Variants in TLL2 observed in about 807,000 individuals in gnomAD.
The protein encoded by TLL2 is tolloid like 2, also known as tolloid-like protein 2.
A neutral mutation model predicts 123.0 loss-of-function variants in TLL2; 106 were observed. The ratio of observed to expected loss-of-function variants is 0.86; its 90% confidence interval spans 0.74 to 1.01. The LOEUF (loss-of-function observed/expected upper bound fraction) is 1.01, where lower values mean the gene tolerates loss of function less well. Ranked by LOEUF, TLL2 falls within the 50% of genes least tolerant of loss-of-function variation. TLL2 has a pLI of 0.00. For synonymous variants in TLL2, 494 were observed against 516.8 expected (o/e 0.96, Z 0.60); for missense variants, 1,332 against 1,336.7 (o/e 1.00, Z 0.06).
intron 1 of TLL2, among the ~76,000 whole-genome samples, chr10:96,489,655 T>C (rs1847392242): frequency 6.6e-6 from 1 of 152,248 alleles, no homozygotes; most frequent in Non-Finnish European, 1.5e-5. Flanking sequence ...ATTTTACATT[T>C]TATTTCCTTT....
At chr10:96,474,939 A>G (rs1240333962) in intron 2 of TLL2, among the ~76,000 whole-genome samples, 2 of 152,138 alleles carry the variant, frequency 1.3e-5, no homozygotes, top group Non-Finnish European at 1.5e-5. Context: ...CTGTCTTCAC[A>G]TGGCCTTCTC....
chr10:96,504,944 C>T (rs1192562410), intron 1 of TLL2, among the ~76,000 whole-genome samples: 2 of 152,100 alleles, frequency 1.3e-5, no homozygotes, highest in African/African-American at 2.4e-5. Flanking sequence ...GGAGGCAGAG[C>T]GTTCAGTGAG....
intron 2 of TLL2, among the ~76,000 whole-genome samples, chr10:96,451,481 T>C (rs942941685): frequency 6.6e-6 from 1 of 152,228 alleles, no homozygotes; most frequent in Non-Finnish European, 1.5e-5. Context: ...ATTGCCCATC[T>C]GAACAACAGT....
At chr10:96,381,412 C>T (rs142056693) in intron 16 of TLL2, among the ~76,000 whole-genome samples, 2,061 of 152,304 alleles carry the variant, frequency 0.014, 28 homozygotes, top group South Asian at 0.065. Flanking sequence ...CCTTGGCTTC[C>T]CAGCATGGGT....
chr10:96,373,176 T>A (rs1197345183), intron 19 of TLL2: 1 of 156,940 alleles, frequency 6.4e-6, no homozygotes, highest in African/African-American at 2.4e-5. Context: ...AAAGTCTCAC[T>A]CTATCGTCCA....
rs189298857 is a variant in TLL2 at position 96,460,150 on chromosome 10, G to T, written c.287-13982C>A. On this transcript the variant is annotated intron_variant, in intron 2 of 20. Coordinates refer to ENST00000357947, the MANE Select transcript of TLL2 (RefSeq NM_012465.4). ...ATGAAAACAAACCACTCATATAAGGGAAAATACCTGCATTGAAGATAATAA... is the reference window on the plus strand; with the variant it reads ...ATGAAAACAAACCACTCATATAAGGTAAAATACCTGCATTGAAGATAATAA... 2.0e-3 allele frequency among the ~76,000 whole-genome samples: 300 copies of T among 152,194 alleles called. 1 individual carries two copies. The highest frequency in any genetic ancestry group is 3.2e-3 in the Non-Finnish European group (220 of 68,018).
At chr10:96,406,760 C>A (rs1423257754) in intron 9 of TLL2, among the ~76,000 whole-genome samples, 2 of 152,102 alleles carry the variant, frequency 1.3e-5, no homozygotes, top group African/African-American at 4.8e-5. Context: ...GGTGAGAGCA[C>A]CTCCAAACAA....
At position 96,412,288 on chromosome 10, in the gene TLL2, C is replaced by T. The variant is rs137858013; in HGVS notation, c.1048+904G>A. On this transcript the variant is annotated intron_variant, in intron 8 of 20. Transcript: ENST00000357947. The stretch of plus-strand genomic sequence containing the variant: ...ATGTGACAGCCCAGATTTTCTAAGA[C>T]GGTCCTCACTTCAAATACTTCATCC... Among the ~76,000 whole-genome samples the T allele has an allele frequency of 9.2e-5, 14 of 152,256 alleles. No individual in the cohort carries two copies. The East Asian group carries it at 2.1e-3, about 23-fold the overall frequency.
chr10:96,413,355 G>C, intron 7 of TLL2, 39 bp from the exon 8 acceptor site: 1 of 1,601,390 alleles, frequency 6.2e-7, no homozygotes, highest in Non-Finnish European at 8.5e-7. Flanking sequence ...AAAAGTCAAG[G>C]CCATCAGGCT....
chr10:96,444,437 G>A (rs1846876581), intron 3 of TLL2, among the ~76,000 whole-genome samples: 1 of 152,190 alleles, frequency 6.6e-6, no homozygotes, highest in Non-Finnish European at 1.5e-5. Context: ...GAGGGGTTGT[G>A]CCCATGAGGT....
In TLL2 at chr10:96,378,376, G is replaced by C. The variant is rs1846156389; in HGVS notation, c.2320+591C>G. ...AGGAAGGCTTTTTCCAGGATGACTG[G>C]ACAGTAAAAGCCACCTGGCCCTGAA... is the stretch of plus-strand genomic sequence containing the variant. On this transcript the variant is annotated intron_variant, in intron 17 of 20. Coordinates refer to ENST00000357947, the MANE Select transcript of TLL2 (RefSeq NM_012465.4). Among the ~76,000 whole-genome samples, 8 of 150,958 alleles carry C rather than the reference G, an allele frequency of 5.3e-5. No individual in the cohort carries two copies. The South Asian group carries it at 1.7e-3, about 32-fold the overall frequency.
intron 5 of TLL2, 109 bp from the exon 6 acceptor site, chr10:96,422,836 CAG>C: frequency 2.2e-6 from 3 of 1,338,538 alleles, no homozygotes; most frequent in Non-Finnish European, 3.1e-6. Context: ...TGTAAAAGAA[CAG>C]AATTTCAGGC....
rs368119277 is a variant in TLL2, at chr10:96,373,704, C to T, written c.2554G>A (p.Gly852Ser). Residue 852 changes from glycine (G) to serine (S), a missense_variant, in exon 19 of 21, where the codon GGC (glycine) becomes AGC (serine). Coordinates refer to ENST00000357947, the MANE Select transcript of TLL2 (RefSeq NM_012465.4). ...ACCGTGGGGTCTGGTTTCTTGCTGC[C>T]GCAGAAACGGCCCAGAATGGGGGCC... ...SLAPILGRFC[G>S]SKKPDPTVAS... 84 of 1,614,098 alleles carry T rather than the reference C, an allele frequency of 5.2e-5. No individual in the cohort carries two copies. The highest frequency in any genetic ancestry group is 1.6e-4 in the Middle Eastern group (1 of 6,084).
intron 10 of TLL2, among the ~76,000 whole-genome samples, chr10:96,399,341 G>A (rs968974053): frequency 6.6e-6 from 1 of 152,176 alleles, no homozygotes; most frequent in African/African-American, 2.4e-5. Context: ...CCAGTGCTAT[G>A]TTAGGCAGTG....
At chr10:96,441,142 A>C (rs1846847509) in intron 3 of TLL2, among the ~76,000 whole-genome samples, 2 of 152,210 alleles carry the variant, frequency 1.3e-5, no homozygotes, top group Non-Finnish European at 2.9e-5. Flanking sequence ...TTCCAGCTGA[A>C]GGCACAGCCA....
chr10:96,405,129 A>G, intron 10 of TLL2, 103 bp downstream of exon 10: 1 of 1,053,774 alleles, frequency 9.5e-7, no homozygotes, highest in Non-Finnish European at 1.5e-6. Context: ...GAGGCCCTTG[A>G]GAGTTTCCTG....
chr10:96,388,187 A>G (rs1415817963), intron 13 of TLL2, among the ~76,000 whole-genome samples: 5 of 152,130 alleles, frequency 3.3e-5, no homozygotes, highest in Non-Finnish European at 7.4e-5. Flanking sequence ...GTGGATCACA[A>G]GGTCACAAGT....
chr10:96,406,403 T>A (rs757213005), intron 9 of TLL2, among the ~76,000 whole-genome samples: 44 of 152,172 alleles, frequency 2.9e-4, no homozygotes, highest in South Asian at 1.5e-3. Flanking sequence ...CTCTTCCTCA[T>A]CTCCAGCCCT....
chr10:96,403,829 A>G (rs1208704622), intron 10 of TLL2, among the ~76,000 whole-genome samples: 1 of 152,198 alleles, frequency 6.6e-6, no homozygotes, highest in Non-Finnish European at 1.5e-5. Flanking sequence ...CAATTCTGAG[A>G]TAGGAGAAAA....
Sources: gnomAD v4.1 joint callset for allele counts (sites outside exome capture counted in the v4.1 genomes callset) on GRCh38, gnomAD v4.1.1 for gene constraint, MANE v1.5 for transcripts, NCBI Gene and HGNC (gene_info 2026-07-23, HGNC 2026-07-21) for gene names.